KLHL28: variants seen among roughly 807,000 people sequenced by gnomAD.
The protein encoded by KLHL28 is kelch like family member 28.
Under a neutral mutation model 48.3 loss-of-function variants are expected in KLHL28, and 22 were observed. The ratio of observed to expected loss-of-function variants is 0.46; its 90% CI spans 0.33 to 0.65. KLHL28 has a LOEUF of 0.65. KLHL28 is among the 30% of genes least tolerant of loss of function. The pLI is 0.03. For missense variants in KLHL28, 527 were observed against 704.3 expected (o/e 0.75, Z 2.85); for synonymous variants, 243 against 242.4 (o/e 1.00, Z -0.02).
chr14:44,928,331 C>T lies in KLHL28; in HGVS notation c.*697G>A, dbSNP rs996351593. ...TAGATAGGTAATTAAATTCATCCAACGTTAACCTGCCCATATACAAAAGGC... is the reference window on the plus strand; with the variant it reads ...TAGATAGGTAATTAAATTCATCCAATGTTAACCTGCCCATATACAAAAGGC... On this transcript the variant is annotated 3_prime_UTR_variant, in exon 5 of 5. Coordinates refer to ENST00000396128, the MANE Select transcript of KLHL28 (RefSeq NM_017658.5). 1 of 152,080 alleles carries T rather than the reference C, an allele frequency of 6.6e-6. No individual in the cohort carries two copies. The highest frequency in any genetic ancestry group is 1.9e-4 in the East Asian group (1 of 5,192). The allele number at this position is 152,080 out of a possible 1,614,324, so 9.4% of individuals were successfully genotyped here. A position where few individuals can be genotyped will look rare whatever the true frequency, so the allele number is the denominator to read the frequency against.
At chr14:44,937,857 T>C (rs891814008) in intron 2 of KLHL28, among the ~76,000 whole-genome samples, 6 of 152,158 alleles carry the variant, frequency 3.9e-5, no homozygotes, top group African/African-American at 1.4e-4. Flanking sequence ...TATCCTTTTA[T>C]TAAGAGCCCA....
intron 1 of KLHL28, among the ~76,000 whole-genome samples, chr14:44,954,841 T>C (rs995885864): frequency 4.3e-4 from 65 of 152,224 alleles, no homozygotes; most frequent in African/African-American, 1.5e-3. Context: ...CATAAGAAAT[T>C]TGAAAATTGA....
intron 2 of KLHL28, among the ~76,000 whole-genome samples, chr14:44,943,676 A>T (rs912754182): frequency 6.6e-6 from 1 of 151,576 alleles, no homozygotes; most frequent in African/African-American, 2.4e-5. Flanking sequence ...AAAAAATAAA[A>T]AATAAATAAA....
At chr14:44,950,800 T>C (rs1884548324) in intron 1 of KLHL28, among the ~76,000 whole-genome samples, 1 of 152,204 alleles carries the variant, frequency 6.6e-6, no homozygotes, top group African/African-American at 2.4e-5. Context: ...CGTTATTTAT[T>C]TTTACTGTTC....
chr14:44,946,479 G>T (rs866063044), intron 1 of KLHL28, among the ~76,000 whole-genome samples: 1 of 150,164 alleles, frequency 6.7e-6, no homozygotes, highest in Non-Finnish European at 1.5e-5. Flanking sequence ...AATTAATTAT[G>T]AACAGAATCC....
intron 2 of KLHL28, among the ~76,000 whole-genome samples, chr14:44,939,810 T>G (rs1883992660): frequency 6.6e-6 from 1 of 152,204 alleles, no homozygotes; most frequent in Admixed American, 6.5e-5. Context: ...AACATTCTAT[T>G]CACGGCAATC....
At chr14:44,958,041 CA>C (rs1371697332) in intron 1 of KLHL28, among the ~76,000 whole-genome samples, 1 of 149,178 alleles carries the variant, frequency 6.7e-6, no homozygotes, top group African/African-American at 2.5e-5. Context: ...TTTGGTATAT[CA>C]GGTTCCTCCA....
intron 1 of KLHL28, among the ~76,000 whole-genome samples, chr14:44,956,789 TA>T (rs1249441528): frequency 2.0e-5 from 3 of 152,238 alleles, no homozygotes; most frequent in Admixed American, 6.5e-5. Flanking sequence ...TAATCACTGC[TA>T]TTTTTTGTTG....
intron 2 of KLHL28, among the ~76,000 whole-genome samples, chr14:44,943,776 G>A (rs1884205814): frequency 6.7e-6 from 1 of 149,860 alleles, no homozygotes; most frequent in Admixed American, 6.6e-5. Flanking sequence ...GTGCAATGGT[G>A]CATTCATAGC....
chr14:44,930,556 G>A (rs1434577268), intron 4 of KLHL28, among the ~76,000 whole-genome samples: 3 of 152,166 alleles, frequency 2.0e-5, no homozygotes, highest in South Asian at 2.1e-4. Flanking sequence ...GAGCCACACC[G>A]TGCCTGGCCC....
Position 44,931,277 on chromosome 14 carries a change from A to G in KLHL28, c.1552+56T>C, listed in dbSNP as rs1883575867. 2.7e-6 allele frequency: 3 copies of G among 1,094,868 alleles called. No individual in the cohort carries two copies. In the South Asian group the frequency reaches 4.3e-5, roughly 16 times the overall value. 67.8% of individuals were successfully genotyped at this position (1,094,868 alleles called of 1,614,324 possible). ...ATTCCAAGGAACTATTATTGCAAGC[A>G]CATCATTATAGAAAACATTGCCTTA... On this transcript the variant is annotated intron_variant, in intron 4 of 4. Transcript: ENST00000396128.
chr14:44,930,961 A>G (rs1171200954), intron 4 of KLHL28, among the ~76,000 whole-genome samples: 1 of 152,254 alleles, frequency 6.6e-6, no homozygotes, highest in Non-Finnish European at 1.5e-5. Context: ...CATACAGATT[A>G]CTGATATACA....
chr14:44,957,011 G>C (rs1253031552), intron 1 of KLHL28, among the ~76,000 whole-genome samples: 1 of 152,084 alleles, frequency 6.6e-6, no homozygotes, highest in African/African-American at 2.4e-5. Flanking sequence ...TTTTTGTAGA[G>C]ATGGGATCTC....
In KLHL28 at chr14:44,927,515, T is replaced by G. The variant is rs2138572007; in HGVS notation, c.*1513A>C. The stretch of plus-strand genomic sequence containing the variant: ...GGAAAAGAAAATCAAATGACTACAG[T>G]TCCAAAATACAAGTACCGACATAAT... On this transcript the variant is annotated 3_prime_UTR_variant, in exon 5 of 5. Coordinates refer to ENST00000396128, the MANE Select transcript of KLHL28 (RefSeq NM_017658.5). 1 of 152,292 alleles carries G rather than the reference T, an allele frequency of 6.6e-6. No homozygotes were observed. The highest frequency in any genetic ancestry group is 1.9e-4 in the East Asian group (1 of 5,186). 9.4% of individuals were successfully genotyped at this position (152,292 alleles called of 1,614,324 possible). A position where few individuals can be genotyped will look rare whatever the true frequency, so the allele number is the denominator to read the frequency against.
Position 44,928,555 on chromosome 14 carries a change from A to G in KLHL28, c.*473T>C, listed in dbSNP as rs1883450965. 2 of 152,270 alleles carry G rather than the reference A, an allele frequency of 1.3e-5. No homozygotes were observed. The highest frequency in any genetic ancestry group is 4.8e-5 in the African/African-American group (2 of 41,436). The allele number at this position is 152,270 out of a possible 1,614,324, so 9.4% of individuals were successfully genotyped here. Reference sequence around the variant, plus strand: ...GCAGCCCTTTGTTTGTTTTAAAACAAATGAAAAATGTGAAGCATTTACATC... The same window carrying G: ...GCAGCCCTTTGTTTGTTTTAAAACAGATGAAAAATGTGAAGCATTTACATC... On this transcript the variant is annotated 3_prime_UTR_variant, in exon 5 of 5. Transcript: ENST00000396128.
In KLHL28 at chr14:44,927,201, ATAC is replaced by A. The variant is rs1338275046; in HGVS notation, c.*1824_*1826del. On this transcript the variant is annotated 3_prime_UTR_variant, in exon 5 of 5. Transcript: ENST00000396128. ...TCTGTGCAAATATTCATAAAGCATG[ATAC>A]TACATTTATGATTAAAAATGATTTT... 7 of 152,648 alleles carry A rather than the reference ATAC, an allele frequency of 4.6e-5. No individual in the cohort carries two copies. Among genetic ancestry groups the A allele is most frequent in the Admixed American group, 3.9e-4 (6 of 15,276 alleles). The allele number at this position is 152,648 out of a possible 1,614,324, so 9.5% of individuals were successfully genotyped here. A position where few individuals can be genotyped will look rare whatever the true frequency, so the allele number is the denominator to read the frequency against.
chr14:44,931,351 T>C lies in KLHL28; in HGVS notation c.1534A>G (p.Met512Val), dbSNP rs528552883. 3.1e-6 allele frequency: 5 copies of C among 1,612,034 alleles called. No homozygotes were observed. The highest frequency in any genetic ancestry group is 4.2e-6 in the Non-Finnish European group (5 of 1,178,392). The change falls in exon 4 of 5, where the codon ATG (methionine) becomes GTG (valine). Residue 512 changes from methionine (M) to valine (V), a missense_variant. Coordinates refer to ENST00000396128, the MANE Select transcript of KLHL28 (RefSeq NM_017658.5). The stretch of plus-strand genomic sequence containing the variant: ...TTATTACCTGTTCTAGGTTCTTTCA[T>C]TGGTCTACACACAGTCCACTGATTT... ...HQNQWTVCRP[M>V]KEPRTGVGAA... is the part of the protein sequence containing the mutation.
At chr14:44,957,973 G>A (rs1173083061) in intron 1 of KLHL28, among the ~76,000 whole-genome samples, 3 of 150,462 alleles carry the variant, frequency 2.0e-5, no homozygotes, top group African/African-American at 7.3e-5. Flanking sequence ...GCTTTAAAAT[G>A]AAATAAAGAA....
intron 2 of KLHL28, among the ~76,000 whole-genome samples, chr14:44,938,599 T>A (rs1014726938): frequency 6.6e-6 from 1 of 152,216 alleles, no homozygotes; most frequent in Admixed American, 6.5e-5. Flanking sequence ...CTCAATCTCC[T>A]GACCTCGCGA....
Sources: allele counts gnomAD v4.1 joint callset (sites outside exome capture counted in the v4.1 genomes callset), GRCh38; gene constraint gnomAD v4.1.1; transcripts MANE v1.5; gene names NCBI Gene and HGNC (gene_info 2026-07-23, HGNC 2026-07-21).